The following CHD7 variants were observed in gnomAD, a reference collection of about 807,000 sequenced individuals.
CHD7 encodes chromodomain helicase DNA binding protein 7.
CHD7 carries 24 observed loss-of-function variants against 307.3 expected under a neutral mutation model. That is an observed-to-expected ratio of 0.08 (90% confidence interval 0.06 to 0.11). CHD7 has a LOEUF of 0.11. Among genes scored for constraint, CHD7 ranks in the 10% least tolerant of loss-of-function variants. The probability of loss-of-function intolerance (pLI) is 1.00; values close to 1 mark genes in which losing one functional copy is unlikely to be tolerated. For missense variants in CHD7, 3,106 were observed against 3,727.1 expected, an observed-to-expected ratio of 0.83 and a Z score of 4.34; for synonymous variants, 1,363 against 1,349.9, an observed-to-expected ratio of 1.01 and a Z score of -0.21.
chr8:60,811,825 A>C (rs1413875231), intron 7 of CHD7, among the ~76,000 whole-genome samples: 3 of 152,182 alleles, frequency 2.0e-5, no homozygotes, highest in African/African-American at 7.2e-5. Context: ...CTGTTTCCCC[A>C]CAACCTTTCT....
intron 6 of CHD7, among the ~76,000 whole-genome samples, chr8:60,803,847 C>G (rs1812426006): frequency 6.6e-6 from 1 of 152,158 alleles, no homozygotes. Flanking sequence ...TTTGTGGATT[C>G]AATCTATGCC....
At chr8:60,753,745 C>T (rs1029254765) in intron 2 of CHD7, among the ~76,000 whole-genome samples, 1 of 151,740 alleles carries the variant, frequency 6.6e-6, no homozygotes, top group African/African-American at 2.4e-5. Flanking sequence ...CCACCTCATC[C>T]TCCAGAGTAC....
At chr8:60,750,030 A>C (rs945694006) in intron 2 of CHD7, among the ~76,000 whole-genome samples, 2 of 152,102 alleles carry the variant, frequency 1.3e-5, no homozygotes, top group African/African-American at 4.8e-5. Context: ...GGAAAAATCT[A>C]CTCCATCTGT....
chr8:60,846,638 A>T lies in CHD7; in HGVS notation c.5210+1229A>T, dbSNP rs183277666. 2.0e-5 allele frequency among the ~76,000 whole-genome samples: 3 copies of T among 152,350 alleles called. No homozygotes were observed. The East Asian group carries it at 5.8e-4, about 29-fold the overall frequency. On this transcript the variant is annotated intron_variant, in intron 23 of 37. Transcript: ENST00000423902. ...CAAGATCTCAACTGGATAAGGCAGG[A>T]TGTAAATAAGTATGCATTTCTCTTT...
At position 60,763,877 on chromosome 8, in the gene CHD7, C is replaced by A. The variant is rs536236746; in HGVS notation, c.1666-17123C>A. On this transcript the variant is annotated intron_variant, in intron 2 of 37. Transcript: ENST00000423902. ...TGGAAGATAGATAATCACCTCCCAC[C>A]CCGACCAGTCAGTGGGCTGTGGTCA... is the stretch of plus-strand genomic sequence containing the variant. 6.6e-5 allele frequency among the ~76,000 whole-genome samples: 10 copies of A among 152,294 alleles called. No homozygotes were observed. The South Asian group carries it at 2.1e-3, about 32-fold the overall frequency.
chr8:60,687,949 T>C (rs1420154616), intron 1 of CHD7, among the ~76,000 whole-genome samples: 1 of 152,246 alleles, frequency 6.6e-6, no homozygotes. Context: ...GCCGTCTTAA[T>C]AGACAAAGGT....
intron 9 of CHD7, 88 bp from the exon 10 acceptor site, chr8:60,821,702 A>G: frequency 9.2e-7 from 1 of 1,081,572 alleles, no homozygotes; most frequent in South Asian, 1.9e-5. Flanking sequence ...ACATATCTAT[A>G]TGTATAAACA....
intron 7 of CHD7, among the ~76,000 whole-genome samples, chr8:60,814,941 A>G (rs1803654713): frequency 6.6e-6 from 1 of 152,242 alleles, no homozygotes; most frequent in African/African-American, 2.4e-5. Context: ...GAAATCCAAA[A>G]TGCTCCATTG....
rs749334068 is a variant in CHD7 at position 60,741,723 on chromosome 8, A to G, written c.291A>G (p.Gly97=). The G allele has an allele frequency of 6.2e-7, 1 of 1,613,920 alleles. No homozygotes were observed. Among genetic ancestry groups the G allele is most frequent in the East Asian group, 2.2e-5 (1 of 44,872 alleles). The change falls in exon 2 of 38, where the codon GGA becomes GGG. Residue 97 remains glycine, a synonymous_variant. Transcript: ENST00000423902. ...NRMMSNTPGN[G]LASPHSQYHT... The stretch of plus-strand genomic sequence containing the variant: ...TGATGAGCAACACCCCTGGGAACGG[A>G]CTCGCGTCTCCGCACTCGCAGTATC...
chr8:60,828,592 G>A (rs901234825), intron 13 of CHD7, 71 bp from the exon 14 acceptor site: 3 of 1,423,888 alleles, frequency 2.1e-6, no homozygotes, highest in Admixed American at 4.6e-5. Flanking sequence ...TGGGTGTCTA[G>A]TGAGAGGCTC....
intron 8 of CHD7, among the ~76,000 whole-genome samples, chr8:60,819,608 G>A (rs1428942698): frequency 6.6e-6 from 1 of 152,168 alleles, no homozygotes; most frequent in Non-Finnish European, 1.5e-5. Context: ...ACAACTCCAG[G>A]AGTTACAATA....
intron 19 of CHD7, among the ~76,000 whole-genome samples, chr8:60,839,183 A>T (rs1211340273): frequency 6.6e-6 from 1 of 152,230 alleles, no homozygotes; most frequent in South Asian, 2.1e-4. Flanking sequence ...TATAAATGGA[A>T]TCATATGATG....
intron 4 of CHD7, among the ~76,000 whole-genome samples, chr8:60,798,306 C>T (rs1424394239): frequency 2.0e-5 from 3 of 152,204 alleles, no homozygotes; most frequent in Non-Finnish European, 4.4e-5. Flanking sequence ...ACTACTCCCT[C>T]CATGTAAGCC....
At chr8:60,822,987 A>G (rs910148939) in intron 12 of CHD7, among the ~76,000 whole-genome samples, 6 of 152,186 alleles carry the variant, frequency 3.9e-5, no homozygotes, top group Non-Finnish European at 7.4e-5. Context: ...TTTGCCTTGG[A>G]TGATCACTGA....
chr8:60,735,674 A>G (rs952662349), intron 1 of CHD7, among the ~76,000 whole-genome samples: 1 of 152,260 alleles, frequency 6.6e-6, no homozygotes, highest in African/African-American at 2.4e-5. Flanking sequence ...CAAAGGGTAG[A>G]TATGGACCTT....
chr8:60,740,126 C>T (rs1483449315), intron 1 of CHD7, among the ~76,000 whole-genome samples: 1 of 152,176 alleles, frequency 6.6e-6, no homozygotes, highest in Non-Finnish European at 1.5e-5. Flanking sequence ...GACACAGGAT[C>T]TGTTAGGAAG....
chr8:60,744,037 C>A (rs12542177), intron 2 of CHD7, among the ~76,000 whole-genome samples: 2,616 of 152,186 alleles, frequency 0.017, 80 homozygotes, highest in Admixed American at 0.067. Flanking sequence ...GAGTGAGAGA[C>A]CAGGCATGAT....
intron 2 of CHD7, among the ~76,000 whole-genome samples, chr8:60,772,572 T>C (rs935918521): frequency 1.3e-5 from 2 of 152,198 alleles, no homozygotes; most frequent in Admixed American, 1.3e-4. Context: ...GGGTGTCCAC[T>C]GCCAAATTCA....
At chr8:60,740,484 A>G (rs1211647203) in intron 1 of CHD7, among the ~76,000 whole-genome samples, 1 of 152,214 alleles carries the variant, frequency 6.6e-6, no homozygotes, top group African/African-American at 2.4e-5. Context: ...GTGTCAGTGC[A>G]GACTGGGACC....
Sources: gnomAD v4.1 joint callset for allele counts (sites outside exome capture counted in the v4.1 genomes callset) on GRCh38, gnomAD v4.1.1 for gene constraint, MANE v1.5 for transcripts, NCBI Gene and HGNC (gene_info 2026-07-23, HGNC 2026-07-21) for gene names.